PDE4B: variants seen among roughly 807,000 people sequenced by gnomAD.
The protein encoded by PDE4B is phosphodiesterase 4B.
A neutral mutation model predicts 82.2 loss-of-function variants in PDE4B; 20 were observed. The ratio of observed to expected loss-of-function variants is 0.24; its 90% CI spans 0.17 to 0.35. PDE4B has a LOEUF of 0.35. Ranked by LOEUF, PDE4B falls within the 10% of genes least tolerant of loss-of-function variation. The pLI is 1.00. For synonymous variants in PDE4B, 320 were observed against 318.9 expected, an observed-to-expected ratio of 1.00 and a Z score of -0.04; for missense variants, 655 against 907.2, an observed-to-expected ratio of 0.72 and a Z score of 3.57.
intron 1 of PDE4B, among the ~76,000 whole-genome samples, chr1:65,880,089 G>T (rs542273855): frequency 6.6e-6 from 1 of 152,252 alleles, no homozygotes; most frequent in East Asian, 1.9e-4. Context: ...GTTACTGTTT[G>T]TACCTTCATT....
Position 66,253,974 on chromosome 1 carries a change from A to G in PDE4B, c.477-3673A>G, listed in dbSNP as rs542248006. Among the ~76,000 whole-genome samples the G allele has an allele frequency of 3.3e-5, 5 of 152,252 alleles. No individual in the cohort carries two copies. In the East Asian group the frequency reaches 9.7e-4, roughly 29 times the overall value. On this transcript the variant is annotated intron_variant, in intron 4 of 16. Coordinates refer to ENST00000341517, the MANE Select transcript of PDE4B (RefSeq NM_002600.4). ...ATTAATGTTTCTTTATCTCCCTTTA[A>G]TCTTTGGATTGTACAGTTTTAATAA...
chr1:66,320,823 G>A (rs560847600), intron 7 of PDE4B, among the ~76,000 whole-genome samples: 2 of 152,294 alleles, frequency 1.3e-5, no homozygotes, highest in South Asian at 4.1e-4. Context: ...TTAGAGGAAG[G>A]AGGCTTAATC....
At chr1:65,983,599 G>A (rs918889512) in intron 3 of PDE4B, among the ~76,000 whole-genome samples, 2 of 152,124 alleles carry the variant, frequency 1.3e-5, no homozygotes. Context: ...AGCATAAAGG[G>A]AAAGCCATGT....
chr1:66,185,526 T>C (rs1487337653), intron 3 of PDE4B, among the ~76,000 whole-genome samples: 3 of 151,758 alleles, frequency 2.0e-5, no homozygotes, highest in Non-Finnish European at 4.4e-5. Context: ...TTTTAATGAT[T>C]GCCATTCTAA....
At chr1:66,254,408 T>C (rs1320817075) in intron 4 of PDE4B, among the ~76,000 whole-genome samples, 1 of 152,192 alleles carries the variant, frequency 6.6e-6, no homozygotes, top group Non-Finnish European at 1.5e-5. Flanking sequence ...TTATTTTTTC[T>C]TTTTTGTATC....
intron 1 of PDE4B, among the ~76,000 whole-genome samples, chr1:65,835,195 T>C (rs931600262): frequency 1.3e-5 from 2 of 152,194 alleles, no homozygotes; most frequent in African/African-American, 2.4e-5. Flanking sequence ...GCTTTCTGTC[T>C]TTTTCTGGTA....
At chr1:66,101,779 G>A (rs1352767896) in intron 3 of PDE4B, among the ~76,000 whole-genome samples, 2 of 152,060 alleles carry the variant, frequency 1.3e-5, no homozygotes, top group Non-Finnish European at 2.9e-5. Context: ...CCATTCTGTA[G>A]GTTGCCTGTT....
At chr1:66,228,302 T>C (rs755523374) in intron 3 of PDE4B, among the ~76,000 whole-genome samples, 1 of 152,184 alleles carries the variant, frequency 6.6e-6, no homozygotes, top group Non-Finnish European at 1.5e-5. Context: ...TAAAGATCCA[T>C]TGGTCCTCTG....
chr1:65,966,188 A>C, intron 3 of PDE4B, among the ~76,000 whole-genome samples: 1 of 152,218 alleles, frequency 6.6e-6, no homozygotes, highest in East Asian at 1.9e-4. Context: ...CTGATAAGCA[A>C]CTTCAGCAAA....
At chr1:65,887,438 T>A (rs1252275696) in intron 1 of PDE4B, among the ~76,000 whole-genome samples, 138 of 115,962 alleles carry the variant, frequency 1.2e-3, no homozygotes, top group African/African-American at 4.8e-3. Flanking sequence ...TTTTTTTTTT[T>A]ACAGGGTCTC....
Position 66,252,900 on chromosome 1 carries a change from C to T in PDE4B, c.477-4747C>T, listed in dbSNP as rs147081883. Reference sequence around the variant, plus strand: ...GTTGCAATAAGCTAAGATTGTGCCACTGCACTCCAGTCTAGGTAATAGAGT... The same window carrying T: ...GTTGCAATAAGCTAAGATTGTGCCATTGCACTCCAGTCTAGGTAATAGAGT... On this transcript the variant is annotated intron_variant, in intron 4 of 16. Coordinates refer to ENST00000341517, the MANE Select transcript of PDE4B (RefSeq NM_002600.4). Among the ~76,000 whole-genome samples the T allele has an allele frequency of 4.6e-5, 7 of 152,250 alleles. No individual in the cohort carries two copies. The East Asian group carries it at 1.3e-3, about 29-fold the overall frequency.
rs530044783 is a variant in PDE4B, at chr1:65,900,255, G to A, written c.-70-12990G>A. ...GCTTATTTTTGTTGACTTTGTTGAAGATTAGATGGTTGTAGATGTGTGGCT... is the reference window on the plus strand; with the variant it reads ...GCTTATTTTTGTTGACTTTGTTGAAAATTAGATGGTTGTAGATGTGTGGCT... On this transcript the variant is annotated intron_variant, in intron 1 of 16. Transcript: ENST00000341517. Among the ~76,000 whole-genome samples, 166 of 152,108 alleles carry A rather than the reference G, an allele frequency of 1.1e-3. 2 individuals carry two copies. Among genetic ancestry groups the A allele is most frequent in the South Asian group, 1.7e-3 (8 of 4,816 alleles).
chr1:65,991,115 T>A (rs1651218957), intron 3 of PDE4B, among the ~76,000 whole-genome samples: 1 of 151,588 alleles, frequency 6.6e-6, no homozygotes, highest in South Asian at 2.1e-4. Flanking sequence ...AGGCACACTG[T>A]CACCAAGGCT....
chr1:66,244,861 C>A (rs931882310), intron 3 of PDE4B, among the ~76,000 whole-genome samples: 2 of 152,150 alleles, frequency 1.3e-5, no homozygotes, highest in African/African-American at 2.4e-5. Context: ...AGGGTCTAAC[C>A]CCAGTTTACC....
At chr1:65,834,706 T>C (rs1646121894) in intron 1 of PDE4B, among the ~76,000 whole-genome samples, 1 of 152,192 alleles carries the variant, frequency 6.6e-6, no homozygotes, top group South Asian at 2.1e-4. Context: ...CACGTCTTCA[T>C]GTCTAAATTG....
At chr1:65,987,317 T>C (rs1393291968) in intron 3 of PDE4B, among the ~76,000 whole-genome samples, 1 of 152,168 alleles carries the variant, frequency 6.6e-6, no homozygotes, top group Admixed American at 6.6e-5. Context: ...AGATGAGTAA[T>C]TAAATAGCAT....
intron 3 of PDE4B, among the ~76,000 whole-genome samples, chr1:65,943,525 A>C (rs922229837): frequency 1.3e-5 from 2 of 151,918 alleles, no homozygotes; most frequent in Admixed American, 6.6e-5. Context: ...TGGTTATTTT[A>C]TTTCTGTGAA....
chr1:66,044,187 C>T (rs948880402), intron 3 of PDE4B, among the ~76,000 whole-genome samples: 1 of 151,564 alleles, frequency 6.6e-6, no homozygotes, highest in Admixed American at 6.6e-5. Flanking sequence ...AATTTAGGAT[C>T]GAATCCTAGG....
chr1:66,352,340 G>A (rs1661898747), intron 8 of PDE4B, among the ~76,000 whole-genome samples: 1 of 152,138 alleles, frequency 6.6e-6, no homozygotes, highest in Admixed American at 6.5e-5. Flanking sequence ...TTAATGACTT[G>A]CATGAGTACA....
Sources: gnomAD v4.1 joint callset for allele counts (sites outside exome capture counted in the v4.1 genomes callset) on GRCh38, gnomAD v4.1.1 for gene constraint, MANE v1.5 for transcripts, NCBI Gene and HGNC (gene_info 2026-07-23, HGNC 2026-07-21) for gene names.